PINX1: variants seen among roughly 807,000 people sequenced by gnomAD.
PINX1 encodes the protein PIN2 (TERF1) interacting telomerase inhibitor 1, also known as PIN2/TERF1-interacting telomerase inhibitor 1.
A neutral mutation model predicts 25.4 loss-of-function variants in PINX1; 34 were observed. That is an observed-to-expected ratio of 1.34 (90% CI 1.02 to 1.78). The LOEUF (loss-of-function observed/expected upper bound fraction) is 1.78, where lower values mean the gene tolerates loss of function less well. PINX1 is among the 40% of genes most tolerant of loss of function. The pLI is 0.00. For missense variants in PINX1, 592 were observed against 404.9 expected (o/e 1.46, Z -3.97); for synonymous variants, 197 against 147.7 (o/e 1.33, Z -2.42).
At chr8:10,792,378 G>A (rs1563213344) in intron 6 of PINX1, among the ~76,000 whole-genome samples, 1 of 152,042 alleles carries the variant, frequency 6.6e-6, no homozygotes, top group Non-Finnish European at 1.5e-5. Context: ...CTGAGAGGGA[G>A]ATGCCCCGGG....
chr8:10,793,707 A>G (rs1444327988), intron 6 of PINX1, among the ~76,000 whole-genome samples: 1 of 152,216 alleles, frequency 6.6e-6, no homozygotes, highest in Non-Finnish European at 1.5e-5. Flanking sequence ...TAGCCAGAAA[A>G]AAAAAAAGAC....
chr8:10,784,766 G>T (rs1268391179), intron 6 of PINX1, among the ~76,000 whole-genome samples: 1 of 152,192 alleles, frequency 6.6e-6, no homozygotes, highest in Non-Finnish European at 1.5e-5. Flanking sequence ...TAAAGTTAGG[G>T]GACAGAGGTG....
chr8:10,782,825 A>T (rs1801630061), intron 6 of PINX1, among the ~76,000 whole-genome samples: 1 of 152,204 alleles, frequency 6.6e-6, no homozygotes, highest in South Asian at 2.1e-4. Flanking sequence ...ATGCATTGAA[A>T]CGTCAAACAT....
rs1290314114 is a variant in PINX1 at position 10,782,982 on chromosome 8, T to C, written c.472-17066A>G. ...TGCACTGTTCCTCAGAGTAATCTACTAATAAGGGGAAACACACATTCCAAA... is the reference window on the plus strand; with the variant it reads ...TGCACTGTTCCTCAGAGTAATCTACCAATAAGGGGAAACACACATTCCAAA... On this transcript the variant is annotated intron_variant, in intron 6 of 6. Transcript: ENST00000314787. Among the ~76,000 whole-genome samples, 5 of 152,172 alleles carry C rather than the reference T, an allele frequency of 3.3e-5. No homozygotes were observed. In the East Asian group the frequency reaches 7.7e-4, roughly 23 times the overall value.
intron 6 of PINX1, among the ~76,000 whole-genome samples, chr8:10,810,317 CCCCACTGGCATTTGTGTTGGAG>C (rs1400322307): frequency 2.0e-5 from 3 of 152,192 alleles, no homozygotes; most frequent in African/African-American, 7.2e-5. Flanking sequence ...TATTCCTGGA[CCCCACTGGCATTTGTGTTGGAG>C]GCCGGGACAA....
intron 6 of PINX1, among the ~76,000 whole-genome samples, chr8:10,780,235 G>A (rs1465718981): frequency 1.3e-5 from 2 of 151,926 alleles, no homozygotes; most frequent in East Asian, 3.8e-4. Context: ...GCTCTTAATA[G>A]TACTTCCAGT....
intron 5 of PINX1, among the ~76,000 whole-genome samples, chr8:10,825,653 C>A (rs1294650268): frequency 6.6e-6 from 1 of 152,162 alleles, no homozygotes; most frequent in African/African-American, 2.4e-5. Flanking sequence ...CTATGGAATG[C>A]CTACGCTGTG....
At position 10,765,413 on chromosome 8, in the gene PINX1, T is replaced by TTTC. The variant is rs201660183; in HGVS notation, c.972_974dup (p.Lys325dup). The TTTC allele has an allele frequency of 6.2e-7, 1 of 1,602,450 alleles. No homozygotes were observed. Among genetic ancestry groups the TTTC allele is most frequent in the Non-Finnish European group, 8.5e-7 (1 of 1,176,564 alleles). ...GGCTGGGAAGGATTCATTTGGAATC[T>TTTC]TTCTTCTTCTTCTTTTTCACTAGCG... On this transcript the variant is annotated inframe_insertion, in exon 7 of 7. Coordinates refer to ENST00000314787, the MANE Select transcript of PINX1 (RefSeq NM_017884.6).
intron 6 of PINX1, among the ~76,000 whole-genome samples, chr8:10,774,385 G>T (rs1033295233): frequency 6.6e-6 from 1 of 151,846 alleles, no homozygotes. Context: ...GGGTTCAAGT[G>T]ATTCTCCTGC....
intron 6 of PINX1, among the ~76,000 whole-genome samples, chr8:10,819,192 A>G (rs745733368): frequency 6.6e-6 from 1 of 152,242 alleles, no homozygotes; most frequent in Non-Finnish European, 1.5e-5. Flanking sequence ...TTCAGTCCCA[A>G]TCTGCACAGG....
intron 6 of PINX1, among the ~76,000 whole-genome samples, chr8:10,776,224 G>C (rs987698565): frequency 2.6e-5 from 4 of 152,024 alleles, no homozygotes; most frequent in African/African-American, 7.2e-5. Flanking sequence ...TCAGGAGTTC[G>C]AGACCAGCCT....
chr8:10,817,718 C>T (rs1041752455), intron 6 of PINX1, among the ~76,000 whole-genome samples: 2 of 152,162 alleles, frequency 1.3e-5, no homozygotes, highest in Non-Finnish European at 2.9e-5. Context: ...TACAGGCTCT[C>T]AGCCCCCGCC....
intron 1 of PINX1, among the ~76,000 whole-genome samples, chr8:10,837,317 T>A (rs920747491): frequency 2.0e-4 from 30 of 152,216 alleles, no homozygotes; most frequent in African/African-American, 6.8e-4. Context: ...CTGGAGGAAT[T>A]AAGCGTGTTA....
chr8:10,787,968 T>G, intron 6 of PINX1: 1 of 364,790 alleles, frequency 2.7e-6, no homozygotes, highest in East Asian at 7.4e-5. Flanking sequence ...CTGGGGAAAC[T>G]TGAACATTGA....
intron 6 of PINX1, among the ~76,000 whole-genome samples, chr8:10,768,822 A>G (rs1007866666): frequency 6.6e-6 from 1 of 152,234 alleles, no homozygotes; most frequent in Non-Finnish European, 1.5e-5. Flanking sequence ...ATTCTTGACC[A>G]TGGCATCACA....
rs368818722 is a variant in PINX1, at chr8:10,813,229, G to A, written c.471+6964C>T. 3.1e-4 allele frequency among the ~76,000 whole-genome samples: 47 copies of A among 152,260 alleles called. No individual in the cohort carries two copies. The South Asian group carries it at 9.5e-3, about 31-fold the overall frequency. ...TACTTTGGTGTCCAGATGTGGAGTG[G>A]GGGGAGGGTAGAGCGATAGGTGCAG... is the stretch of plus-strand genomic sequence containing the variant. On this transcript the variant is annotated intron_variant, in intron 6 of 6. Transcript: ENST00000314787.
intron 5 of PINX1, among the ~76,000 whole-genome samples, chr8:10,820,647 G>C (rs1438571295): frequency 6.6e-6 from 1 of 152,074 alleles, no homozygotes; most frequent in Non-Finnish European, 1.5e-5. Flanking sequence ...TCAGAGACAT[G>C]AGCTACTTAC....
intron 6 of PINX1, among the ~76,000 whole-genome samples, 160 bp from the exon 7 acceptor site, chr8:10,766,076 C>T (rs1237915845): frequency 1.3e-5 from 2 of 152,158 alleles, no homozygotes; most frequent in Middle Eastern, 3.2e-3. Context: ...CTGAGTGACA[C>T]GCTCCCTTTG....
intron 6 of PINX1, among the ~76,000 whole-genome samples, chr8:10,815,893 T>G (rs1197368905): frequency 6.6e-6 from 1 of 152,218 alleles, no homozygotes; most frequent in Non-Finnish European, 1.5e-5. Context: ...CATGGCTAAG[T>G]GCAGGAAGTA....
Sources: allele counts gnomAD v4.1 joint callset (sites outside exome capture counted in the v4.1 genomes callset), GRCh38; gene constraint gnomAD v4.1.1; transcripts MANE v1.5; gene names NCBI Gene and HGNC (gene_info 2026-07-23, HGNC 2026-07-21).